The following ROBO2 variants were observed in gnomAD, a reference collection of about 807,000 sequenced individuals.
The protein encoded by ROBO2 is roundabout guidance receptor 2.
ROBO2 carries 53 observed loss-of-function variants against 160.8 expected under a neutral mutation model. The observed-to-expected ratio is 0.33, with a 90% CI of 0.26 to 0.41. The LOEUF is 0.41. ROBO2 is among the 10% of genes least tolerant of loss of function. ROBO2 has a pLI of 1.00. For synonymous variants in ROBO2, 664 were observed against 611.7 expected (o/e 1.09, Z -1.26); for missense variants, 1,577 against 1,722.4 (o/e 0.92, Z 1.49).
At chr3:76,833,346 C>T (rs2067249382) in intron 2 of ROBO2, among the ~76,000 whole-genome samples, 2 of 152,046 alleles carry the variant, frequency 1.3e-5, no homozygotes, top group South Asian at 4.1e-4. Flanking sequence ...CCAAAATTGA[C>T]GAGTATGTAG....
At chr3:76,897,988 T>A (rs1312194422) in intron 2 of ROBO2, among the ~76,000 whole-genome samples, 1 of 152,246 alleles carries the variant, frequency 6.6e-6, no homozygotes, top group East Asian at 1.9e-4. Flanking sequence ...TTTTCTAAAG[T>A]ATATTTTCAT....
At chr3:75,946,572 T>C (rs545217732) in intron 2 of ROBO2, among the ~76,000 whole-genome samples, 1 of 152,218 alleles carries the variant, frequency 6.6e-6, no homozygotes, top group Admixed American at 6.5e-5. Context: ...TGGCTATAGG[T>C]ATTTCAGATA....
At chr3:76,629,398 C>T (rs2089884897) in intron 2 of ROBO2, among the ~76,000 whole-genome samples, 1 of 152,000 alleles carries the variant, frequency 6.6e-6, no homozygotes, top group Non-Finnish European at 1.5e-5. Flanking sequence ...AGATGGGGTC[C>T]CACAATAGGC....
intron 2 of ROBO2, among the ~76,000 whole-genome samples, chr3:77,218,279 C>G (rs1364137616): frequency 2.6e-5 from 4 of 152,082 alleles, no homozygotes; most frequent in Non-Finnish European, 5.9e-5. Context: ...CCTTCTCATA[C>G]TAATGTATTT....
intron 2 of ROBO2, among the ~76,000 whole-genome samples, chr3:77,343,521 A>G (rs749781271): frequency 1.3e-5 from 2 of 152,204 alleles, no homozygotes; most frequent in Non-Finnish European, 2.9e-5. Context: ...CGTATTTAAC[A>G]TTGATAGGTT....
At chr3:76,894,280 A>T (rs1023185566) in intron 2 of ROBO2, among the ~76,000 whole-genome samples, 1 of 152,070 alleles carries the variant, frequency 6.6e-6, no homozygotes, top group Non-Finnish European at 1.5e-5. Flanking sequence ...GTCCCTGTGG[A>T]TCAAAATATG....
intron 2 of ROBO2, among the ~76,000 whole-genome samples, chr3:76,323,138 T>TACATAC (rs2072705727): frequency 6.9e-6 from 1 of 143,956 alleles, no homozygotes. Flanking sequence ...TTGTTAGTAT[T>TACATAC]ACACACACAC....
chr3:75,996,848 G>A (rs1459342854), intron 2 of ROBO2, among the ~76,000 whole-genome samples: 2 of 151,506 alleles, frequency 1.3e-5, no homozygotes, highest in Non-Finnish European at 1.5e-5. Flanking sequence ...TCTGATATAT[G>A]TAAATCATCT....
intron 2 of ROBO2, among the ~76,000 whole-genome samples, chr3:76,159,621 A>G (rs2072543536): frequency 6.6e-6 from 1 of 152,122 alleles, no homozygotes; most frequent in South Asian, 2.1e-4. Flanking sequence ...ACATATGAAC[A>G]GTTTGGTCTA....
At chr3:76,468,057 A>C (rs1366155691) in intron 2 of ROBO2, among the ~76,000 whole-genome samples, 1 of 152,130 alleles carries the variant, frequency 6.6e-6, no homozygotes, top group African/African-American at 2.4e-5. Context: ...AAAAGCCCCT[A>C]ATGTGCCAAG....
At chr3:76,649,756 C>T (rs2091164987) in intron 2 of ROBO2, among the ~76,000 whole-genome samples, 1 of 151,986 alleles carries the variant, frequency 6.6e-6, no homozygotes, top group South Asian at 2.1e-4. Context: ...ATTAAAAGAA[C>T]AGTTGGATAT....
At chr3:75,975,663 T>G (rs992531130) in intron 2 of ROBO2, among the ~76,000 whole-genome samples, 4 of 151,710 alleles carry the variant, frequency 2.6e-5, no homozygotes, top group South Asian at 4.1e-4. Flanking sequence ...GATGGAAGCC[T>G]TAAGAAAATT....
chr3:76,147,446 ATCTT>A (rs1382857811), intron 2 of ROBO2, among the ~76,000 whole-genome samples: 1 of 151,938 alleles, frequency 6.6e-6, no homozygotes. Context: ...TTATATTACA[ATCTT>A]TATTTATAAA....
At chr3:76,226,022 G>C (rs1011254750) in intron 2 of ROBO2, among the ~76,000 whole-genome samples, 3 of 152,046 alleles carry the variant, frequency 2.0e-5, no homozygotes, top group African/African-American at 7.2e-5. Context: ...CAAAATAACA[G>C]TGCATTTTTA....
At chr3:75,939,092 G>A (rs919944863) in intron 2 of ROBO2, among the ~76,000 whole-genome samples, 9 of 150,748 alleles carry the variant, frequency 6.0e-5, no homozygotes, top group African/African-American at 1.5e-4. Context: ...CCAGCATGAC[G>A]TGTAGTATGA....
At chr3:76,801,442 A>C (rs1400289561) in intron 2 of ROBO2, among the ~76,000 whole-genome samples, 2 of 152,212 alleles carry the variant, frequency 1.3e-5, no homozygotes, top group East Asian at 1.9e-4. Flanking sequence ...ACACAAGTAA[A>C]TAATAAATGC....
At chr3:77,621,435 T>TTAAA (rs10695873) in intron 22 of ROBO2, among the ~76,000 whole-genome samples, 60,236 of 150,238 alleles carry the variant, frequency 0.4, 12,113 homozygotes, top group Middle Eastern at 0.46. Context: ...CTCCAAAAAA[T>TTAAA]TAAATAAATA....
At chr3:76,247,851 AAAAGAAG>A (rs1186166024) in intron 2 of ROBO2, among the ~76,000 whole-genome samples, 1 of 152,008 alleles carries the variant, frequency 6.6e-6, no homozygotes, top group East Asian at 1.9e-4. Flanking sequence ...GACACTTCTC[AAAAGAAG>A]ACATTTATGC....
At chr3:76,205,651 C>G (rs1702764781) in intron 2 of ROBO2, among the ~76,000 whole-genome samples, 1 of 152,240 alleles carries the variant, frequency 6.6e-6, no homozygotes, top group South Asian at 2.1e-4. Flanking sequence ...CAGCTTTCCC[C>G]AGGTTTACAC....
Sources: allele counts gnomAD v4.1 joint callset (sites outside exome capture counted in the v4.1 genomes callset), GRCh38; gene constraint gnomAD v4.1.1; transcripts MANE v1.5; gene names NCBI Gene and HGNC (gene_info 2026-07-23, HGNC 2026-07-21).